The following RASEF variants were observed in gnomAD, a reference collection of about 807,000 sequenced individuals.
RASEF encodes RAS and EF-hand domain containing.
RASEF carries 68 observed loss-of-function variants against 90.1 expected under a neutral mutation model. The observed-to-expected ratio is 0.75, with a 90% confidence interval of 0.62 to 0.92. The LOEUF (loss-of-function observed/expected upper bound fraction) is 0.92. Ranked by LOEUF, RASEF falls within the 40% of genes least tolerant of loss-of-function variation. The pLI is 0.00. For synonymous variants in RASEF, 331 were observed against 345.2 expected (o/e 0.96, Z 0.46); for missense variants, 949 against 937.2 (o/e 1.01, Z -0.16).
At chr9:83,138,566 C>T in the RASEF span, among the ~76,000 whole-genome samples, 34 of 152,246 alleles carry the variant, frequency 2.2e-4, no homozygotes, top group African/African-American at 7.0e-4. Flanking sequence ...TTATTGAATG[C>T]GAAAGCATCA....
At chr9:83,161,071 G>A in the RASEF span, among the ~76,000 whole-genome samples, 2 of 152,174 alleles carry the variant, frequency 1.3e-5, no homozygotes, top group African/African-American at 2.4e-5. Context: ...TCTGTCAGGG[G>A]AGTGCAGAAG....
chr9:83,109,601 G>A, the RASEF span, among the ~76,000 whole-genome samples: 1 of 152,140 alleles, frequency 6.6e-6, no homozygotes, highest in African/African-American at 2.4e-5. Flanking sequence ...CTGATCTAAT[G>A]CTAATTTTAC....
the RASEF span, among the ~76,000 whole-genome samples, chr9:83,085,801 T>C: frequency 6.6e-6 from 1 of 151,850 alleles, no homozygotes; most frequent in Non-Finnish European, 1.5e-5. Context: ...GGCATGCACC[T>C]GTAGTCCCAG....
At chr9:83,042,011 T>C (rs1036702293) in intron 1 of RASEF, among the ~76,000 whole-genome samples, 1 of 152,206 alleles carries the variant, frequency 6.6e-6, no homozygotes, top group Admixed American at 6.5e-5. Flanking sequence ...CACTGGTTCA[T>C]CAGATAAGGA....
At chr9:83,101,332 G>T in the RASEF span, among the ~76,000 whole-genome samples, 1 of 152,082 alleles carries the variant, frequency 6.6e-6, no homozygotes, top group African/African-American at 2.4e-5. Context: ...GATATTCGGG[G>T]TCTGCAGGTG....
At chr9:83,053,244 A>T (rs1295314425) in intron 1 of RASEF, among the ~76,000 whole-genome samples, 2 of 74,278 alleles carry the variant, frequency 2.7e-5, no homozygotes, top group East Asian at 6.1e-4. Flanking sequence ...TGGGTGCATA[A>T]ATATTTAGGA....
intron 1 of RASEF, among the ~76,000 whole-genome samples, chr9:83,061,208 A>C (rs1346985090): frequency 6.6e-6 from 1 of 152,004 alleles, no homozygotes; most frequent in Non-Finnish European, 1.5e-5. Flanking sequence ...AATAACAGAA[A>C]AGATCGTTAC....
chr9:83,158,211 T>C, the RASEF span, among the ~76,000 whole-genome samples: 1 of 152,190 alleles, frequency 6.6e-6, no homozygotes, highest in East Asian at 1.9e-4. Flanking sequence ...ATTATTTTCT[T>C]CATCCAATTA....
the RASEF span, among the ~76,000 whole-genome samples, chr9:83,086,292 A>C: frequency 1.4e-4 from 22 of 152,256 alleles, no homozygotes; most frequent in African/African-American, 5.3e-4. Flanking sequence ...TTTTATAAGG[A>C]AGCAACTCAG....
At chr9:83,022,546 C>A in intron 2 of RASEF, 120 bp from the exon 3 acceptor site, 1 of 688,770 alleles carries the variant, frequency 1.5e-6, no homozygotes, top group Non-Finnish European at 2.5e-6. Flanking sequence ...ACACCCCATT[C>A]AAAATGATTT....
At chr9:83,162,815 C>A in the RASEF span, among the ~76,000 whole-genome samples, 1 of 152,304 alleles carries the variant, frequency 6.6e-6, no homozygotes, top group African/African-American at 2.4e-5. Context: ...AAATTGCTGG[C>A]AGCTCAGTGT....
At chr9:83,184,681 G>A in the RASEF span, among the ~76,000 whole-genome samples, 800 of 152,182 alleles carry the variant, frequency 5.3e-3, 6 homozygotes, top group African/African-American at 0.018. Flanking sequence ...GTCCCACCCC[G>A]ATCTACACCT....
the RASEF span, among the ~76,000 whole-genome samples, chr9:83,113,403 C>A: frequency 2.6e-4 from 39 of 152,226 alleles, no homozygotes; most frequent in Admixed American, 4.6e-4. Flanking sequence ...TGTGTTTGAA[C>A]AATATGAAAT....
At chr9:83,213,493 G>A in the RASEF span, among the ~76,000 whole-genome samples, 36 of 151,914 alleles carry the variant, frequency 2.4e-4, 1 homozygote, top group South Asian at 3.3e-3. Flanking sequence ...AACAGACACC[G>A]TTGTTCTATT....
intron 1 of RASEF, among the ~76,000 whole-genome samples, chr9:83,029,715 G>C (rs1356310538): frequency 1.3e-5 from 2 of 151,994 alleles, no homozygotes; most frequent in South Asian, 2.1e-4. Context: ...CTGGCCCCAG[G>C]CTTGTTCTTA....
chr9:83,164,549 T>C, the RASEF span, among the ~76,000 whole-genome samples: 5 of 149,198 alleles, frequency 3.4e-5, no homozygotes, highest in Non-Finnish European at 7.4e-5. Flanking sequence ...ATTTTAAAAG[T>C]TAAAGAAATG....
intron 1 of RASEF, among the ~76,000 whole-genome samples, chr9:83,058,245 C>T (rs1277764165): frequency 2.3e-5 from 3 of 131,914 alleles, no homozygotes; most frequent in East Asian, 2.3e-4. Context: ...TGCAGTGGCG[C>T]GATCTCGGCT....
the RASEF span, among the ~76,000 whole-genome samples, chr9:83,166,965 A>G: frequency 3.0e-4 from 45 of 152,192 alleles, no homozygotes; most frequent in African/African-American, 9.4e-4. Context: ...TATGGGTTTA[A>G]AAGCAATAGG....
chr9:83,089,079 C>T, the RASEF span, among the ~76,000 whole-genome samples: 18 of 151,716 alleles, frequency 1.2e-4, no homozygotes, highest in Admixed American at 3.3e-4. Context: ...TTTTTATTTT[C>T]TAAGCAATTG....
Sources: allele counts gnomAD v4.1 joint callset (sites outside exome capture counted in the v4.1 genomes callset), GRCh38; gene constraint gnomAD v4.1.1; transcripts MANE v1.5; gene names NCBI Gene and HGNC (gene_info 2026-07-23, HGNC 2026-07-21).